Variants in UQCC1 observed in about 807,000 individuals in gnomAD.
The protein encoded by UQCC1 is ubiquinol-cytochrome c reductase complex assembly factor 1, also known as bFGF-repressed Zic-binding protein.
Under a neutral mutation model 48.0 loss-of-function variants are expected in UQCC1, and 38 were observed. The observed-to-expected ratio is 0.79, with a 90% confidence interval of 0.61 to 1.04. The LOEUF is 1.04. Among genes scored for constraint, UQCC1 ranks in the 50% least tolerant of loss-of-function variants. UQCC1 has a pLI of 0.00. For missense variants in UQCC1, 368 were observed against 381.8 expected, an observed-to-expected ratio of 0.96 and a Z score of 0.30; for synonymous variants, 111 against 129.2, an observed-to-expected ratio of 0.86 and a Z score of 0.95.
intron 8 of UQCC1, among the ~76,000 whole-genome samples, chr20:35,308,629 C>A (rs895610203): frequency 6.6e-6 from 1 of 152,258 alleles, no homozygotes; most frequent in African/African-American, 2.4e-5. Flanking sequence ...CCAACTGTTT[C>A]AGACTGTTAG....
intron 5 of UQCC1, among the ~76,000 whole-genome samples, chr20:35,373,918 C>T (rs2061764495): frequency 6.6e-6 from 1 of 151,976 alleles, no homozygotes; most frequent in Non-Finnish European, 1.5e-5. Context: ...GCTTTTAGTC[C>T]CAGCTACTAT....
intron 2 of UQCC1, among the ~76,000 whole-genome samples, chr20:35,386,624 G>A (rs755368704): frequency 3.9e-5 from 6 of 152,100 alleles, no homozygotes; most frequent in Non-Finnish European, 5.9e-5. Flanking sequence ...CACTTAAACT[G>A]GTTCAAAGAA....
At chr20:35,347,390 A>G in intron 6 of UQCC1, 118 bp from the exon 7 acceptor site, 2 of 1,228,378 alleles carry the variant, frequency 1.6e-6, no homozygotes, top group South Asian at 1.4e-5. Context: ...ATCAAACTGG[A>G]AGTGAACTTT....
intron 7 of UQCC1, among the ~76,000 whole-genome samples, chr20:35,322,797 G>C (rs2030501290): frequency 6.6e-6 from 1 of 152,126 alleles, no homozygotes; most frequent in African/African-American, 2.4e-5. Context: ...CATCCTGCTT[G>C]TAAGTGACAG....
At chr20:35,355,300 A>C (rs1458342589) in intron 6 of UQCC1, among the ~76,000 whole-genome samples, 1 of 152,280 alleles carries the variant, frequency 6.6e-6, no homozygotes, top group African/African-American at 2.4e-5. Flanking sequence ...AAGGCAAAGA[A>C]TCAGTCTTCC....
At position 35,369,447 on chromosome 20, in the gene UQCC1, A is replaced by G. The variant is rs151035349; in HGVS notation, c.407-2833T>C. ...CACACTCTTGCTCCAATGCACATTC[A>G]GTGCTTTAGTTTCTGAAGCTAGGCA... is the stretch of plus-strand genomic sequence containing the variant. On this transcript the variant is annotated intron_variant, in intron 5 of 9. Coordinates refer to ENST00000374385, the MANE Select transcript of UQCC1 (RefSeq NM_018244.5). Among the ~76,000 whole-genome samples, 36 of 152,372 alleles carry G rather than the reference A, an allele frequency of 2.4e-4. No individual in the cohort carries two copies. The East Asian group carries it at 5.2e-3, about 22-fold the overall frequency.
chr20:35,352,295 T>C (rs1217676026), intron 6 of UQCC1, among the ~76,000 whole-genome samples: 3 of 152,156 alleles, frequency 2.0e-5, no homozygotes, highest in Admixed American at 6.5e-5. Flanking sequence ...GGACAGGGTA[T>C]AGGATGCAGA....
chr20:35,349,190 G>A (rs1352574744), intron 6 of UQCC1, among the ~76,000 whole-genome samples: 1 of 152,210 alleles, frequency 6.6e-6, no homozygotes, highest in Non-Finnish European at 1.5e-5. Context: ...ATGGAGAAAA[G>A]AAAACATATT....
chr20:35,304,092 G>C, intron 9 of UQCC1, 23 bp from the exon 10 acceptor site: 1 of 1,613,838 alleles, frequency 6.2e-7, no homozygotes, highest in South Asian at 1.1e-5. Context: ...GAGGGGGAAG[G>C]AGGAAGCGAC....
At chr20:35,370,555 C>A (rs975582915) in intron 5 of UQCC1, among the ~76,000 whole-genome samples, 2 of 152,146 alleles carry the variant, frequency 1.3e-5, no homozygotes, top group African/African-American at 4.8e-5. Context: ...AGATGGGCCA[C>A]AACAGAATGT....
At chr20:35,370,898 C>G (rs185761800) in intron 5 of UQCC1, among the ~76,000 whole-genome samples, 85 of 152,316 alleles carry the variant, frequency 5.6e-4, no homozygotes, top group Admixed American at 3.3e-3. Context: ...CCAGACAACA[C>G]AGGTTCAAGG....
intron 7 of UQCC1, among the ~76,000 whole-genome samples, chr20:35,324,859 C>T (rs992038441): frequency 5.3e-4 from 80 of 152,054 alleles, no homozygotes; most frequent in African/African-American, 1.6e-3. Context: ...GAATTGAAAG[C>T]GGGAATTGGA....
intron 6 of UQCC1, among the ~76,000 whole-genome samples, chr20:35,352,564 C>A (rs2146402386): frequency 6.6e-6 from 1 of 152,254 alleles, no homozygotes; most frequent in South Asian, 2.1e-4. Context: ...CAGCAAGAGA[C>A]CACACATATG....
intron 6 of UQCC1, among the ~76,000 whole-genome samples, chr20:35,354,112 G>A (rs1397141079): frequency 6.6e-6 from 1 of 152,188 alleles, no homozygotes; most frequent in South Asian, 2.1e-4. Flanking sequence ...CTATACCACC[G>A]AGGTTTGTGT....
chr20:35,390,860 A>T (rs1331020628), intron 2 of UQCC1, among the ~76,000 whole-genome samples: 1 of 152,156 alleles, frequency 6.6e-6, no homozygotes, highest in African/African-American at 2.4e-5. Flanking sequence ...TTTTGCCAAA[A>T]ATGCATAACC....
chr20:35,404,178 G>A (rs917136632), intron 1 of UQCC1, among the ~76,000 whole-genome samples: 11 of 152,084 alleles, frequency 7.2e-5, no homozygotes, highest in East Asian at 3.9e-4. Flanking sequence ...TCAGGAGATC[G>A]AGACCACGGT....
chr20:35,397,437 A>T (rs1352953932), intron 1 of UQCC1, among the ~76,000 whole-genome samples: 1 of 145,882 alleles, frequency 6.9e-6, no homozygotes, highest in Non-Finnish European at 1.5e-5. Flanking sequence ...AATGGCATGA[A>T]CCCGGGAGGC....
intron 2 of UQCC1, among the ~76,000 whole-genome samples, chr20:35,385,524 C>G (rs1343001655): frequency 6.6e-6 from 1 of 152,130 alleles, no homozygotes; most frequent in Non-Finnish European, 1.5e-5. Context: ...TTTTTTGAGA[C>G]AAGGTCTGGC....
intron 8 of UQCC1, among the ~76,000 whole-genome samples, chr20:35,314,237 C>T (rs548070959): frequency 6.6e-6 from 1 of 151,952 alleles, no homozygotes; most frequent in South Asian, 2.1e-4. Context: ...GTGCTGGGAG[C>T]CACTGCGCCC....
Sources: allele counts gnomAD v4.1 joint callset (sites outside exome capture counted in the v4.1 genomes callset), GRCh38; gene constraint gnomAD v4.1.1; transcripts MANE v1.5; gene names NCBI Gene and HGNC (gene_info 2026-07-23, HGNC 2026-07-21).